Variants in JAKMIP1 observed in about 807,000 individuals in gnomAD.
JAKMIP1 encodes janus kinase and microtubule-interacting protein 1.
Under a neutral mutation model 113.0 loss-of-function variants are expected in JAKMIP1, and 33 were observed. The ratio of observed to expected loss-of-function variants is 0.29; its 90% CI spans 0.22 to 0.39. The LOEUF is 0.39. Ranked by LOEUF, JAKMIP1 falls within the 10% of genes least tolerant of loss-of-function variation. The pLI, the probability that JAKMIP1 is intolerant of heterozygous loss-of-function variation, is 1.00. For missense variants in JAKMIP1, 813 were observed against 1,080.5 expected, an observed-to-expected ratio of 0.75 and a Z score of 3.47; for synonymous variants, 480 against 459.9, an observed-to-expected ratio of 1.04 and a Z score of -0.56.
In JAKMIP1 at chr4:6,080,171, C is replaced by G. The variant is rs1720294885; in HGVS notation, c.1242+1G>C. ...AGCCGCGCCAGCTGTGCTAGATGTA[C>G]CAGTGAGAGGTCGTCAATGACGTGC... On this transcript the variant is annotated splice_donor_variant, in intron 7 of 20. Transcript: ENST00000409021. LOFTEE classifies it high-confidence loss of function. The surrounding 1 kb of genome is among the most constrained non-coding windows in gnomAD (Gnocchi z 6.0). The G allele has an allele frequency of 1.2e-6, 2 of 1,603,122 alleles. No homozygotes were observed. The highest frequency in any genetic ancestry group is 1.7e-5 in the Admixed American group (1 of 58,052).
intron 1 of JAKMIP1, among the ~76,000 whole-genome samples, chr4:6,163,946 G>A (rs1723265254): frequency 6.6e-6 from 1 of 152,202 alleles, no homozygotes; most frequent in East Asian, 1.9e-4. Context: ...AGCAGAGGTT[G>A]GCTCAGGAGG....
At chr4:6,047,135 T>C (rs994429912) in intron 16 of JAKMIP1, among the ~76,000 whole-genome samples, 1 of 152,094 alleles carries the variant, frequency 6.6e-6, no homozygotes, top group Non-Finnish European at 1.5e-5. Flanking sequence ...CTGAGAGAGA[T>C]GTGGTGAGAA....
intron 12 of JAKMIP1, 120 bp downstream of exon 12, chr4:6,056,577 C>G: frequency 1.3e-6 from 1 of 742,564 alleles, no homozygotes; most frequent in East Asian, 2.5e-5. Context: ...TGTGCAGGAC[C>G]CGAGGCCCTG....
chr4:6,107,058 G>C (rs1014612635), intron 2 of JAKMIP1, among the ~76,000 whole-genome samples: 4 of 152,156 alleles, frequency 2.6e-5, no homozygotes, highest in Non-Finnish European at 5.9e-5. Context: ...AAACACACAA[G>C]ATCAACATCT....
At chr4:6,096,035 G>A (rs1368566654) in intron 3 of JAKMIP1, among the ~76,000 whole-genome samples, 1 of 152,368 alleles carries the variant, frequency 6.6e-6, no homozygotes, top group East Asian at 1.9e-4. Flanking sequence ...AAGGGACACT[G>A]AGGTGGGAGC....
chr4:6,169,640 T>TGA (rs921559440), intron 1 of JAKMIP1, among the ~76,000 whole-genome samples: 20 of 147,062 alleles, frequency 1.4e-4, no homozygotes, highest in African/African-American at 3.9e-4. Context: ...TGTGTGTGTG[T>TGA]GAATTATTTT....
rs538031195 is a variant in JAKMIP1 at position 6,181,819 on chromosome 4, G to A, written c.-148+18434C>T. Among the ~76,000 whole-genome samples, 27 of 152,236 alleles carry A rather than the reference G, an allele frequency of 1.8e-4. No individual in the cohort carries two copies. Among genetic ancestry groups the A allele is most frequent in the South Asian group, 1.5e-3 (7 of 4,820 alleles). On this transcript the variant is annotated intron_variant, in intron 1 of 20. Transcript: ENST00000409021. The surrounding 1 kb of genome is among the most constrained non-coding windows in gnomAD (Gnocchi z 5.4). ...CTTCCCTCACAGAGCTCTAGCCAGC[G>A]GGGAAGAAGACTGTGAATGGCATCA...
At chr4:6,078,176 G>T (rs1030233195) in intron 8 of JAKMIP1, among the ~76,000 whole-genome samples, 1 of 152,112 alleles carries the variant, frequency 6.6e-6, no homozygotes, top group Non-Finnish European at 1.5e-5. Flanking sequence ...TTAGCCGGGC[G>T]TGGTGGCATG....
intron 1 of JAKMIP1, among the ~76,000 whole-genome samples, chr4:6,130,947 G>C (rs1481205824): frequency 6.6e-6 from 1 of 152,000 alleles, no homozygotes; most frequent in Non-Finnish European, 1.5e-5. Context: ...GCTGAGGAAG[G>C]CAAATTGCTT....
intron 1 of JAKMIP1, among the ~76,000 whole-genome samples, chr4:6,121,499 A>T (rs1050377226): frequency 7.9e-5 from 12 of 152,218 alleles, no homozygotes; most frequent in African/African-American, 2.9e-4. Context: ...ATGTCCAGCC[A>T]TAGGGAATTC....
At chr4:6,047,312 G>C (rs1420011356) in intron 16 of JAKMIP1, among the ~76,000 whole-genome samples, 1 of 152,274 alleles carries the variant, frequency 6.6e-6, no homozygotes, top group Admixed American at 6.5e-5. Context: ...TATTCCAGTA[G>C]ATGTTGAATA....
In JAKMIP1 at chr4:6,186,426, G is replaced by A. The variant is rs912279676; in HGVS notation, c.-148+13827C>T. 6.6e-6 allele frequency among the ~76,000 whole-genome samples: 1 copy of A among 152,200 alleles called. No homozygotes were observed. The highest frequency in any genetic ancestry group is 1.5e-5 in the Non-Finnish European group (1 of 68,030). ...ATGAGACAGGAAGGGAAAAGTGGGG[G>A]CCTCTGGTGTCTGGCTGGCAAGAAC... On this transcript the variant is annotated intron_variant, in intron 1 of 20. Coordinates refer to ENST00000409021, the MANE Select transcript of JAKMIP1 (RefSeq NM_001099433.2). This position sits in a 1 kb window ranked among gnomAD's most constrained non-coding sequence, Gnocchi z 5.5.
intron 11 of JAKMIP1, among the ~76,000 whole-genome samples, chr4:6,058,444 G>C (rs1716787655): frequency 6.6e-6 from 1 of 152,210 alleles, no homozygotes; most frequent in Non-Finnish European, 1.5e-5. Context: ...GCTCAAGCAT[G>C]TCCCAGCTCG....
At position 6,193,077 on chromosome 4, in the gene JAKMIP1, CAGG is replaced by C. The variant is rs759323482; in HGVS notation, c.-148+7173_-148+7175del. Among the ~76,000 whole-genome samples the C allele has an allele frequency of 6.6e-6, 1 of 152,150 alleles. No homozygotes were observed. Among genetic ancestry groups the C allele is most frequent in the African/African-American group, 2.4e-5 (1 of 41,438 alleles). On this transcript the variant is annotated intron_variant, in intron 1 of 20. Coordinates refer to ENST00000409021, the MANE Select transcript of JAKMIP1 (RefSeq NM_001099433.2). This position sits in a 1 kb window ranked among gnomAD's most constrained non-coding sequence, Gnocchi z 6.4. ...GCCAGCGTGGCTAGAATAAAGCAGG[CAGG>C]AGAAGATGGAAGAGCAAACTTGCTG...
rs1719332562 is a variant in JAKMIP1 at position 6,136,934 on chromosome 4, C to G, written c.-147-23937G>C. On this transcript the variant is annotated intron_variant, in intron 1 of 20. Coordinates refer to ENST00000409021, the MANE Select transcript of JAKMIP1 (RefSeq NM_001099433.2). The surrounding 1 kb of genome is among the most constrained non-coding windows in gnomAD (Gnocchi z 5.9). ...GCGCATGGGATTCCACTGACCATGC[C>G]ATTGTACAGATGAGGAAACTGAGGC... Among the ~76,000 whole-genome samples, 1 of 152,260 alleles carries G rather than the reference C, an allele frequency of 6.6e-6. No individual in the cohort carries two copies. The highest frequency in any genetic ancestry group is 1.5e-5 in the Non-Finnish European group (1 of 67,998).
intron 1 of JAKMIP1, among the ~76,000 whole-genome samples, chr4:6,148,309 C>T (rs935880432): frequency 3.9e-5 from 6 of 152,344 alleles, no homozygotes; most frequent in African/African-American, 1.4e-4. Flanking sequence ...AATTTACCTA[C>T]AGTCTTGAAG....
rs920835115 is a variant in JAKMIP1 at position 6,153,596 on chromosome 4, C to T, written c.-147-40599G>A. On this transcript the variant is annotated intron_variant, in intron 1 of 20. Transcript: ENST00000409021. The surrounding 1 kb of genome is among the most constrained non-coding windows in gnomAD (Gnocchi z 4.9). ...GAGGGTGCACCTCAGACAGCCCTGACAATCTGGAGAGAGAACGTTTTGTGG... is the reference window on the plus strand; with the variant it reads ...GAGGGTGCACCTCAGACAGCCCTGATAATCTGGAGAGAGAACGTTTTGTGG... 3.3e-5 allele frequency among the ~76,000 whole-genome samples: 5 copies of T among 152,176 alleles called. No homozygotes were observed. The highest frequency in any genetic ancestry group is 1.2e-4 in the African/African-American group (5 of 41,446).
intron 3 of JAKMIP1, among the ~76,000 whole-genome samples, chr4:6,104,733 T>C (rs1713614941): frequency 6.6e-6 from 1 of 152,132 alleles, no homozygotes; most frequent in South Asian, 2.1e-4. Flanking sequence ...GTCTCCTACG[T>C]CCAGTGAGGG....
rs1722435248 is a variant in JAKMIP1, at chr4:6,157,854, A to T, written c.-148+42399T>A. On this transcript the variant is annotated intron_variant, in intron 1 of 20. Transcript: ENST00000409021. This position sits in a 1 kb window ranked among gnomAD's most constrained non-coding sequence, Gnocchi z 4.7. ...CTTAAATTAGATGCCAACACAGCTAACAGATTGTTGTCTATTTCCTTTCCT... is the reference window on the plus strand; with the variant it reads ...CTTAAATTAGATGCCAACACAGCTATCAGATTGTTGTCTATTTCCTTTCCT... Among the ~76,000 whole-genome samples the T allele has an allele frequency of 6.6e-6, 1 of 152,224 alleles. No individual in the cohort carries two copies.
Sources: allele counts gnomAD v4.1 joint callset (sites outside exome capture counted in the v4.1 genomes callset), GRCh38; gene constraint gnomAD v4.1.1; non-coding constraint Gnocchi (gnomAD v3.1); transcripts MANE v1.5; gene names NCBI Gene and HGNC (gene_info 2026-07-23, HGNC 2026-07-21).